The following MAGI1 variants were observed in gnomAD, a reference collection of about 807,000 sequenced individuals.
MAGI1 encodes the protein membrane-associated guanylate kinase, WW and PDZ domain-containing protein 1.
In MAGI1, 58 loss-of-function variants were observed where a neutral mutation model predicts 139.9. The ratio of observed to expected loss-of-function variants is 0.41; its 90% confidence interval spans 0.34 to 0.52. The LOEUF is 0.52. MAGI1 is among the 20% of genes least tolerant of loss of function. MAGI1 has a pLI of 0.12. For synonymous variants in MAGI1, 812 were observed against 737.9 expected, an observed-to-expected ratio of 1.10 and a Z score of -1.63; for missense variants, 1,874 against 1,901.6, an observed-to-expected ratio of 0.99 and a Z score of 0.27.
intron 12 of MAGI1, among the ~76,000 whole-genome samples, chr3:65,406,812 T>C (rs13061015): frequency 2.0e-4 from 30 of 151,604 alleles, no homozygotes; most frequent in African/African-American, 7.0e-4. Context: ...TCTCTATATA[T>C]ATATATCGAG....
chr3:65,867,066 T>C (rs2059754034), intron 1 of MAGI1, among the ~76,000 whole-genome samples: 1 of 152,134 alleles, frequency 6.6e-6, no homozygotes, highest in Non-Finnish European at 1.5e-5. Context: ...TTGGGGTGAG[T>C]TGCTTAGTTT....
At chr3:65,579,887 A>T (rs1221572883) in intron 2 of MAGI1, among the ~76,000 whole-genome samples, 2 of 151,524 alleles carry the variant, frequency 1.3e-5, no homozygotes, top group African/African-American at 2.4e-5. Flanking sequence ...TTGGGACATT[A>T]AAAAAGCCAA....
chr3:65,929,782 G>A (rs1211555301), intron 1 of MAGI1, among the ~76,000 whole-genome samples: 1 of 152,126 alleles, frequency 6.6e-6, no homozygotes, highest in East Asian at 1.9e-4. Flanking sequence ...GGGCCTCAAA[G>A]AGCAAATCAA....
chr3:65,962,742 T>A (rs1402337703), intron 1 of MAGI1, among the ~76,000 whole-genome samples: 2 of 147,520 alleles, frequency 1.4e-5, no homozygotes, highest in Non-Finnish European at 3.0e-5. Context: ...CAAGAAACAC[T>A]TGAACATGGG....
At chr3:65,687,671 T>G (rs535008307) in intron 1 of MAGI1, 1 of 499,752 alleles carries the variant, frequency 2.0e-6, no homozygotes, top group South Asian at 1.6e-5. Flanking sequence ...CCGCTGGTAA[T>G]ACACAAGATT....
In MAGI1 at chr3:65,356,767, C is replaced by T. The variant is rs773042890; in HGVS notation, c.4000G>A (p.Asp1334Asn). ...TTCTCCCTCCTCTCCAAAGTGTTGT[C>T]GGCGCTGCGGGTGCCCTCCCTCCGC... ...EKRREGTRSA[D>N]NTLERREKHE... Residue 1334 changes from aspartate to asparagine, a missense_variant, in exon 23 of 23, where the codon GAC becomes AAC. Asp to Asn is a conservative substitution (Grantham distance 23, BLOSUM62 1). Transcript: ENST00000402939. 1.9e-6 allele frequency: 3 copies of T among 1,604,426 alleles called. No individual in the cohort carries two copies. The highest frequency in any genetic ancestry group is 2.2e-5 in the South Asian group (2 of 89,062).
At chr3:65,939,372 T>G (rs765233829) in intron 1 of MAGI1, among the ~76,000 whole-genome samples, 1 of 152,244 alleles carries the variant, frequency 6.6e-6, no homozygotes, top group Non-Finnish European at 1.5e-5. Context: ...TAGTCTTTCA[T>G]GTTTACACTG....
chr3:66,019,117 T>C (rs908449620), intron 1 of MAGI1, among the ~76,000 whole-genome samples: 1 of 152,162 alleles, frequency 6.6e-6, no homozygotes. Flanking sequence ...TGCTCTCAAG[T>C]GATTACACTC....
At chr3:65,717,802 G>C (rs1029555012) in intron 1 of MAGI1, among the ~76,000 whole-genome samples, 1 of 152,160 alleles carries the variant, frequency 6.6e-6, no homozygotes, top group Non-Finnish European at 1.5e-5. Flanking sequence ...ACTAATCACA[G>C]TGGCCATGAG....
intron 1 of MAGI1, among the ~76,000 whole-genome samples, chr3:65,837,267 C>A (rs894408304): frequency 6.6e-6 from 1 of 152,182 alleles, no homozygotes; most frequent in Non-Finnish European, 1.5e-5. Context: ...CTGGCGCTGC[C>A]CACCTCCATC....
chr3:65,880,769 G>A (rs1266483540), intron 1 of MAGI1, among the ~76,000 whole-genome samples: 1 of 152,124 alleles, frequency 6.6e-6, no homozygotes, highest in African/African-American at 2.4e-5. Context: ...TGCACTGAGA[G>A]TAAAATCCAA....
At chr3:65,799,987 C>T (rs150836549) in intron 1 of MAGI1, among the ~76,000 whole-genome samples, 3 of 152,282 alleles carry the variant, frequency 2.0e-5, no homozygotes, top group African/African-American at 7.2e-5. Flanking sequence ...GTTAATACTA[C>T]GTTTCCCAAT....
chr3:65,370,868 GCTGGC>G (rs1490812178), intron 18 of MAGI1, among the ~76,000 whole-genome samples: 2 of 152,204 alleles, frequency 1.3e-5, no homozygotes. Flanking sequence ...TGTTGCCCAG[GCTGGC>G]CTGGAACTCC....
chr3:65,991,759 A>ACTTTGAGAGGCCGAGGTGGGTGG (rs2066187581), intron 1 of MAGI1, among the ~76,000 whole-genome samples: 2 of 152,182 alleles, frequency 1.3e-5, no homozygotes, highest in African/African-American at 2.4e-5. Flanking sequence ...TCGTGATTGT[A>ACTTTGAGAGGCCGAGGTGGGTGG]ATCCCAGCAC....
At chr3:65,651,547 A>G (rs2085581558) in intron 1 of MAGI1, among the ~76,000 whole-genome samples, 1 of 152,158 alleles carries the variant, frequency 6.6e-6, no homozygotes. Flanking sequence ...GGACCTGCAC[A>G]TTAAGCCCAC....
chr3:66,011,669 C>A (rs1447019265), intron 1 of MAGI1, among the ~76,000 whole-genome samples: 1 of 152,134 alleles, frequency 6.6e-6, no homozygotes, highest in Non-Finnish European at 1.5e-5. Context: ...AATGTCAGAG[C>A]TTCCTGCAGG....
At chr3:65,729,322 T>G (rs2033958222) in intron 1 of MAGI1, among the ~76,000 whole-genome samples, 1 of 152,198 alleles carries the variant, frequency 6.6e-6, no homozygotes, top group Non-Finnish European at 1.5e-5. Context: ...TTTAAAAATA[T>G]TTCCTGGCTG....
At chr3:65,945,352 T>C (rs375343529) in intron 1 of MAGI1, among the ~76,000 whole-genome samples, 1 of 152,210 alleles carries the variant, frequency 6.6e-6, no homozygotes, top group African/African-American at 2.4e-5. Context: ...AGTTATTTTG[T>C]AATGACCACC....
intron 1 of MAGI1, among the ~76,000 whole-genome samples, chr3:65,650,431 A>C (rs886980728): frequency 2.0e-5 from 3 of 152,214 alleles, no homozygotes; most frequent in African/African-American, 7.2e-5. Flanking sequence ...GCACATCCAT[A>C]TCATGGAATA....
Sources: gnomAD v4.1 joint callset for allele counts (sites outside exome capture counted in the v4.1 genomes callset) on GRCh38, gnomAD v4.1.1 for gene constraint, MANE v1.5 for transcripts, NCBI Gene and HGNC (gene_info 2026-07-23, HGNC 2026-07-21) for gene names.